Variants in ZNF185 observed in about 807,000 individuals in gnomAD.
ZNF185 encodes zinc finger protein 185 with LIM domain.
ZNF185 carries 56 observed loss-of-function variants against 58.6 expected under a neutral mutation model. The observed-to-expected ratio is 0.95, with a 90% CI of 0.77 to 1.19. ZNF185 has a LOEUF of 1.19. Among genes scored for constraint, ZNF185 ranks in the 50% most tolerant of loss-of-function variants. The pLI, the probability that ZNF185 is intolerant of heterozygous loss-of-function variation, is 0.00. For missense variants in ZNF185, 627 were observed against 573.5 expected (o/e 1.09, Z -0.95); for synonymous variants, 230 against 215.9 (o/e 1.07, Z -0.57).
At chrX:152,908,552 C>A in the ZNF185 span, among the ~76,000 whole-genome samples, 2 of 112,484 alleles carry the variant, frequency 1.8e-5, no homozygotes, top group African/African-American at 6.5e-5. Flanking sequence ...TCACATGTGG[C>A]AGGCCTCTGT....
Position 152,969,414 on chromosome X carries a change from G to A in ZNF185, c.1904G>A (p.Arg635His), listed in dbSNP as rs782634433. The A allele has an allele frequency of 9.9e-6, 12 of 1,206,756 alleles. No individual in the cohort carries two copies. Among genetic ancestry groups the A allele is most frequent in the East Asian group, 5.9e-5 (2 of 33,702 alleles). Residue 635 changes from arginine to histidine, a missense_variant, in exon 21 of 23, where the codon CGT (arginine) becomes CAT (histidine). Transcript: ENST00000449285. Reference sequence around the variant, plus strand: ...GGAGGGATCTGTACTTACTGCAACCGTGAGATCCGAGACTGTCCAAAGATT... The same window carrying A: ...GGAGGGATCTGTACTTACTGCAACCATGAGATCCGAGACTGTCCAAAGATT...
At chrX:152,905,824 C>T in the ZNF185 span, among the ~76,000 whole-genome samples, 1 of 105,066 alleles carries the variant, frequency 9.5e-6, no homozygotes, top group Non-Finnish European at 2.0e-5. Flanking sequence ...GGTGGAGGGA[C>T]TCCCCTCCAG....
exon 12 of ZNF185, chrX:152,928,606 A>T: frequency 8.3e-7 from 1 of 1,211,767 alleles, no homozygotes; most frequent in Non-Finnish European, 1.1e-6. Flanking sequence ...CCGCCTGCAG[A>T]TCCTGACACC....
chrX:152,933,819 G>A (rs2045969132), intron 14 of ZNF185, among the ~76,000 whole-genome samples: 1 of 112,245 alleles, frequency 8.9e-6, no homozygotes, highest in Non-Finnish European at 1.9e-5. Context: ...AGGCCCTGCT[G>A]ATGCTTTCCT....
At chrX:152,943,379 A>G (rs1344400541) in intron 15 of ZNF185, among the ~76,000 whole-genome samples, 7 of 112,304 alleles carry the variant, frequency 6.2e-5, no homozygotes, top group African/African-American at 2.3e-4. Context: ...AGGCTACTGG[A>G]TCTTTGGTCC....
the ZNF185 span, among the ~76,000 whole-genome samples, chrX:152,900,804 A>G: frequency 8.9e-6 from 1 of 112,492 alleles, no homozygotes; most frequent in Non-Finnish European, 1.9e-5. Context: ...AGAATGGCTC[A>G]GAGGTCAGCC....
chrX:152,939,301 CA>C (rs2046857849), intron 15 of ZNF185, among the ~76,000 whole-genome samples: 1 of 111,716 alleles, frequency 9.0e-6, no homozygotes, highest in South Asian at 3.7e-4. Flanking sequence ...AATTAACAAT[CA>C]GAGTGAAAAC....
intron 15 of ZNF185, 88 bp downstream of exon 17, chrX:152,938,251 A>G: frequency 1.1e-6 from 1 of 931,258 alleles, no homozygotes; most frequent in South Asian, 2.3e-5. Flanking sequence ...TGGGAAGGTG[A>G]GGCCAGCAAG....
chrX:152,928,666 G>A lies in ZNF185; in HGVS notation c.917+5G>A. The A allele has an allele frequency of 8.3e-7, 1 of 1,208,909 alleles. No individual in the cohort carries two copies. The highest frequency in any genetic ancestry group is 1.1e-6 in the Non-Finnish European group (1 of 893,190). On this transcript the variant is annotated splice_donor_5th_base_variant and intron_variant, in intron 12 of 22. Coordinates refer to ENST00000449285, the Ensembl canonical transcript of ZNF185. ...CCCAGACGTGGAAGGCATGAGGTAT[G>A]GGGGTCCTGCTGCTGTCCTGGCTCC...
At chrX:152,953,393 A>G (rs1203440156) in intron 16 of ZNF185, among the ~76,000 whole-genome samples, 2 of 112,110 alleles carry the variant, frequency 1.8e-5, no homozygotes, top group African/African-American at 6.5e-5. Context: ...AAAGTGTCCA[A>G]TAAAAGCAAA....
the ZNF185 span, among the ~76,000 whole-genome samples, chrX:152,903,250 G>A: frequency 9.2e-6 from 1 of 108,742 alleles, no homozygotes; most frequent in Admixed American, 9.8e-5. Context: ...TTAGCCAGGT[G>A]TGGTGGCAGG....
At chrX:152,933,016 A>G in intron 14 of ZNF185, 45 bp downstream of exon 15, 2 of 998,199 alleles carry the variant, frequency 2.0e-6, no homozygotes, top group Non-Finnish European at 2.7e-6. Flanking sequence ...CCCTGGTGAC[A>G]GACCAGGGTC....
At chrX:152,963,990 C>T (rs1371837887) in intron 18 of ZNF185, 41 bp downstream of exon 20, 1 of 1,139,311 alleles carries the variant, frequency 8.8e-7, no homozygotes, top group Non-Finnish European at 1.2e-6. Flanking sequence ...TGTTCCTCCG[C>T]CACTTCCTCC....
upstream of ZNF185, among the ~76,000 whole-genome samples, chrX:152,913,658 C>T (rs1372377250): frequency 1.8e-5 from 2 of 112,305 alleles, no homozygotes; most frequent in African/African-American, 6.5e-5. Flanking sequence ...GGCAGTGGGG[C>T]CCTGGGCTTT....
chrX:152,936,647 C>A (rs1322048980), intron 14 of ZNF185, 134 bp downstream of exon 16: 1 of 525,500 alleles, frequency 1.9e-6, no homozygotes, highest in Non-Finnish European at 3.1e-6. Context: ...CAGGTGATCA[C>A]AGCAAGACAG....
chrX:152,969,456 G>T, exon 21 of ZNF185: 5 of 1,206,851 alleles, frequency 4.1e-6, no homozygotes, highest in Non-Finnish European at 5.6e-6. Flanking sequence ...GAACATCTTG[G>T]TATCTGCTGC....
chrX:152,945,996 C>T lies in ZNF185; in HGVS notation c.1409+532C>T, dbSNP rs782099065. 2.1e-3 allele frequency among the ~76,000 whole-genome samples: 234 copies of T among 112,434 alleles called. 3 individuals are homozygous for T. The highest frequency in any genetic ancestry group is 7.2e-3 in the African/African-American group (224 of 30,955). On this transcript the variant is annotated intron_variant, in intron 16 of 22. Transcript: ENST00000449285. ...ACTGGCCATGTGTTGGTGTGTGCCA[C>T]TGTGCATGAGCAAGAGGACAAACGT... is the stretch of plus-strand genomic sequence containing the variant.
rs12558188 is a variant in ZNF185 at position 152,922,265 on chromosome X, T to C, written c.740+9T>C. ...ACTCCTGGCTCAAACAGGTAATCCATTGCGCTCATCTCTGCCTGGGGCTGG... is the reference window on the plus strand; with the variant it reads ...ACTCCTGGCTCAAACAGGTAATCCACTGCGCTCATCTCTGCCTGGGGCTGG... On this transcript the variant is annotated intron_variant, in intron 10 of 22. Transcript: ENST00000449285. 247,106 of 1,168,393 alleles carry C rather than the reference T, an allele frequency of 0.21. 19,714 individuals carry two copies. Among genetic ancestry groups the C allele is most frequent in the Non-Finnish European group, 0.24 (210,484 of 873,594 alleles).
At position 152,959,782 on chromosome X, in the gene ZNF185, G is replaced by A; in HGVS notation, c.1493G>A (p.Gly498Asp). 1 of 1,211,860 alleles carries A rather than the reference G, an allele frequency of 8.3e-7. No individual in the cohort carries two copies. The highest frequency in any genetic ancestry group is 1.1e-6 in the Non-Finnish European group (1 of 895,388). The change falls in exon 17 of 23, where the codon GGC becomes GAC. Residue 498 changes from glycine to aspartate, a missense_variant. Physicochemically the swap from Gly to Asp is moderately conservative, Grantham distance 94. Transcript: ENST00000449285. ...GACAGGCCTGGAGCCCCAAGAGGTG[G>A]CCAAGGAGACCCAGCTGTACCCACT...
Sources: allele counts gnomAD v4.1 joint callset (sites outside exome capture counted in the v4.1 genomes callset), GRCh38; gene constraint gnomAD v4.1.1; transcripts MANE v1.5; gene names NCBI Gene and HGNC (gene_info 2026-07-23, HGNC 2026-07-21).